The following AGXT variants were observed in gnomAD, a reference collection of about 807,000 sequenced individuals.
AGXT encodes the protein alanine--glyoxylate aminotransferase.
In AGXT, 41 loss-of-function variants were observed where a neutral mutation model predicts 46.9. The observed-to-expected ratio is 0.88, with a 90% CI of 0.68 to 1.14. The LOEUF is 1.14. Among genes scored for constraint, AGXT ranks in the 50% most tolerant of loss-of-function variants. The probability of loss-of-function intolerance (pLI) is 0.00; values close to 1 mark genes in which losing one functional copy is unlikely to be tolerated. For missense variants in AGXT, 525 were observed against 522.7 expected, an observed-to-expected ratio of 1.00 and a Z score of -0.04; for synonymous variants, 244 against 227.9, an observed-to-expected ratio of 1.07 and a Z score of -0.64.
At chr2:240,874,139 C>G (rs1324751790) in intron 6 of AGXT, 77 bp downstream of exon 6, 5 of 1,445,698 alleles carry the variant, frequency 3.5e-6, no homozygotes, top group Non-Finnish European at 4.8e-6. Flanking sequence ...GCGGGAGGGG[C>G]GGGAGCCAGG....
At chr2:240,871,278 T>G in intron 3 of AGXT, 71 bp from the exon 4 acceptor site, 1 of 1,334,546 alleles carries the variant, frequency 7.5e-7, no homozygotes, top group Non-Finnish European at 1.0e-6. Flanking sequence ...GTGCCACCCA[T>G]GGGGGGTTTG....
At chr2:240,877,666 C>G in intron 9 of AGXT, 34 bp downstream of exon 9, 1 of 1,544,194 alleles carries the variant, frequency 6.5e-7, no homozygotes, top group East Asian at 2.4e-5. Context: ...CAGCCCTGCA[C>G]CCATGGGGAA....
intron 3 of AGXT, 62 bp from the exon 4 acceptor site, chr2:240,871,287 T>C (rs2058988953): frequency 2.8e-6 from 4 of 1,419,092 alleles, no homozygotes; most frequent in Middle Eastern, 2.2e-4. Context: ...ATGGGGGGTT[T>C]GTGGGGGTGT....
At position 240,878,012 on chromosome 2, in the gene AGXT, C is replaced by T. The variant is rs1456772989; in HGVS notation, c.943-10C>T. ...TCTCACCCACGCACTGAGCCAGGCCCCTCCTGCAGGCGCTCCGGCTTCCCA... is the reference window on the plus strand; with the variant it reads ...TCTCACCCACGCACTGAGCCAGGCCTCTCCTGCAGGCGCTCCGGCTTCCCA... On this transcript the variant is annotated splice_polypyrimidine_tract_variant and intron_variant, in intron 9 of 10. Coordinates refer to ENST00000307503, the MANE Select transcript of AGXT (RefSeq NM_000030.3). 3.1e-6 allele frequency: 5 copies of T among 1,610,228 alleles called. No individual in the cohort carries two copies. In the African/African-American group the frequency reaches 5.3e-5, roughly 17 times the overall value.
intron 5 of AGXT, 25 bp downstream of exon 5, chr2:240,873,074 A>G: frequency 1.2e-6 from 2 of 1,604,658 alleles, no homozygotes; most frequent in Non-Finnish European, 1.7e-6. Flanking sequence ...TGAGAGCCCT[A>G]CCCAGCCCAA....
rs895076467 is a variant in AGXT, at chr2:240,879,156, C to T, written c.*335C>T. 9 of 432,332 alleles carry T rather than the reference C, an allele frequency of 2.1e-5. No homozygotes were observed. The highest frequency in any genetic ancestry group is 1.6e-4 in the African/African-American group (8 of 49,724). The allele number at this position is 432,332 out of a possible 1,614,324, so 26.8% of individuals were successfully genotyped here. A position where few individuals can be genotyped will look rare whatever the true frequency, so the allele number is the denominator to read the frequency against. Reference sequence around the variant, plus strand: ...GGTCTGTGAAAGAGTGAGAGGAGAGCATCTCTGCTCCCTGAGCTGCCTGAT... The same window carrying T: ...GGTCTGTGAAAGAGTGAGAGGAGAGTATCTCTGCTCCCTGAGCTGCCTGAT... On this transcript the variant is annotated 3_prime_UTR_variant, in exon 11 of 11. Transcript: ENST00000307503.
intron 4 of AGXT, among the ~76,000 whole-genome samples, chr2:240,872,327 G>GAGGAGGGTGAGAGTTCGTGAACATGC (rs2058995784): frequency 1.2e-4 from 8 of 64,218 alleles, no homozygotes; most frequent in African/African-American, 3.2e-4. Flanking sequence ...GAACATGGAG[G>GAGGAGGGTGAGAGTTCGTGAACATGC]AGGAGGAGGG....
At chr2:240,871,327 A>G in intron 3 of AGXT, 22 bp from the exon 4 acceptor site, 1 of 1,557,666 alleles carries the variant, frequency 6.4e-7, no homozygotes. Context: ...AGCTCCACCC[A>G]CAGCCGTCCC....
At chr2:240,870,987 C>T (rs1267654178) in intron 3 of AGXT, among the ~76,000 whole-genome samples, 2 of 152,042 alleles carry the variant, frequency 1.3e-5, no homozygotes, top group African/African-American at 2.4e-5. Context: ...GGCAGGAGGC[C>T]GAGTTGGAGT....
chr2:240,870,609 C>G (rs573283978), intron 2 of AGXT, 35 bp from the exon 3 acceptor site: 1 of 1,548,378 alleles, frequency 6.5e-7, no homozygotes, highest in Non-Finnish European at 8.7e-7. Context: ...ACAGTGTGTG[C>G]GGGACACTCA....
In AGXT at chr2:240,870,725, G is replaced by T. The variant is rs971207168; in HGVS notation, c.423+17G>T. ...GTGGAGGAGGTAGGGGACCCGGGGT[G>T]GGGGTCAGGGCCGGGAGGAGGTGGG... is the stretch of plus-strand genomic sequence containing the variant. On this transcript the variant is annotated intron_variant, in intron 3 of 10. Transcript: ENST00000307503. The T allele has an allele frequency of 1.3e-6, 2 of 1,552,412 alleles. No homozygotes were observed. The highest frequency in any genetic ancestry group is 1.7e-6 in the Non-Finnish European group (2 of 1,147,886).
At chr2:240,873,117 G>A (rs1340330926) in intron 5 of AGXT, 68 bp downstream of exon 5, 5 of 1,397,180 alleles carry the variant, frequency 3.6e-6, no homozygotes, top group Non-Finnish European at 5.1e-6. Flanking sequence ...AGGAAGCCCT[G>A]CTGGAAGCGT....
intron 10 of AGXT, 108 bp downstream of exon 10, chr2:240,878,258 A>G: frequency 6.7e-7 from 1 of 1,490,806 alleles, no homozygotes; most frequent in Non-Finnish European, 9.1e-7. Flanking sequence ...CCGAAAGCCC[A>G]GATTGCAGGA....
At position 240,873,837 on chromosome 2, in the gene AGXT, C is replaced by T. The variant is rs1329491323; in HGVS notation, c.596-141C>T. On this transcript the variant is annotated intron_variant, in intron 5 of 10. Transcript: ENST00000307503. ...GTGCCCAGATTTGAACCCAGGACTCCCTTCCACATCTCCCCTGCTATCGTG... is the reference window on the plus strand; with the variant it reads ...GTGCCCAGATTTGAACCCAGGACTCTCTTCCACATCTCCCCTGCTATCGTG... 7.5e-6 allele frequency: 6 copies of T among 798,906 alleles called. No individual in the cohort carries two copies. The Admixed American group carries it at 1.1e-4, about 15-fold the overall frequency. The allele number at this position is 798,906 out of a possible 1,614,324, so 49.5% of individuals were successfully genotyped here.
At position 240,875,949 on chromosome 2, in the gene AGXT, TC is replaced by T. The variant is rs2106430885; in HGVS notation, c.795del (p.Val266SerfsTer7). ...GTGTCTTCCAGGTACCATCACACAA[TC>T]CCCGTCATCAGCCTGTACAGCCTGA... ...DDQPRMYHHT[I>X]PVISLYSLRE... On this transcript the variant is annotated frameshift_variant, in exon 8 of 11. Transcript: ENST00000307503. LOFTEE classifies it high-confidence loss of function. 7 of 1,613,918 alleles carry T rather than the reference TC, an allele frequency of 4.3e-6. No individual in the cohort carries two copies. The highest frequency in any genetic ancestry group is 5.9e-6 in the Non-Finnish European group (7 of 1,179,962).
At chr2:240,874,171 C>T (rs1240525129) in intron 6 of AGXT, 109 bp downstream of exon 6, 2 of 1,077,024 alleles carry the variant, frequency 1.9e-6, no homozygotes, top group Non-Finnish European at 2.8e-6. Context: ...CCCCATGCTC[C>T]TCCAGCACCT....
At chr2:240,873,436 G>C (rs1344298322) in intron 5 of AGXT, 3 of 291,402 alleles carry the variant, frequency 1.0e-5, no homozygotes, top group Admixed American at 9.3e-5. Flanking sequence ...GCCCTGCCAG[G>C]CTGCCCATAG....
At chr2:240,877,501 C>A in intron 8 of AGXT, 36 bp from the exon 9 acceptor site, 1 of 1,523,200 alleles carries the variant, frequency 6.6e-7, no homozygotes, top group Non-Finnish European at 8.9e-7. Context: ...CCCACCCCAC[C>A]CATGTCACTG....
At chr2:240,876,104 G>C in intron 8 of AGXT, 100 bp downstream of exon 8, 1 of 1,403,550 alleles carries the variant, frequency 7.1e-7, no homozygotes, top group East Asian at 2.5e-5. Context: ...ACAGAGAAAA[G>C]GGAGCCTGCC....
Sources: gnomAD v4.1 joint callset for allele counts (sites outside exome capture counted in the v4.1 genomes callset) on GRCh38, gnomAD v4.1.1 for gene constraint, MANE v1.5 for transcripts, NCBI Gene and HGNC (gene_info 2026-07-23, HGNC 2026-07-21) for gene names.